Variants in SENP7 observed in about 807,000 individuals in gnomAD.
SENP7 encodes sentrin-specific protease 7.
SENP7 carries 64 observed loss-of-function variants against 141.2 expected under a neutral mutation model. The ratio of observed to expected loss-of-function variants is 0.45; its 90% CI spans 0.37 to 0.56. SENP7 has a LOEUF of 0.56. Ranked by LOEUF, SENP7 falls within the 20% of genes least tolerant of loss-of-function variation. SENP7 has a pLI of 0.00. For synonymous variants in SENP7, 382 were observed against 426.4 expected (o/e 0.90, Z 1.28); for missense variants, 1,025 against 1,212.2 (o/e 0.85, Z 2.29).
intron 3 of SENP7, among the ~76,000 whole-genome samples, chr3:101,470,962 T>G (rs1362107132): frequency 6.6e-6 from 1 of 152,060 alleles, no homozygotes; most frequent in African/African-American, 2.4e-5. Flanking sequence ...AAGGACCTCT[T>G]CAAGGAGAAC....
At chr3:101,377,841 T>C (rs1259488084) in intron 6 of SENP7, among the ~76,000 whole-genome samples, 1 of 152,208 alleles carries the variant, frequency 6.6e-6, no homozygotes, top group Non-Finnish European at 1.5e-5. Context: ...AGGTATGCTG[T>C]TGCACCAAAG....
Position 101,347,996 on chromosome 3 carries a change from C to A in SENP7, c.1713G>T (p.Gly571=), listed in dbSNP as rs762472512. The change falls in exon 13 of 24, where the codon GGG becomes GGT. Residue 571 remains glycine (G), a synonymous_variant. Transcript: ENST00000394095. ...LVDTTHLKRF[G]LWKSKDDNHS... ...GATTATCATCCTTACTTTTCCATAA[C>A]CCAAACCGCTTTAAATGTGTGGTAT... The A allele has an allele frequency of 1.2e-6, 2 of 1,611,466 alleles. No homozygotes were observed. Among genetic ancestry groups the A allele is most frequent in the Admixed American group, 1.7e-5 (1 of 59,752 alleles).
At chr3:101,429,443 C>T (rs2062079624) in intron 4 of SENP7, among the ~76,000 whole-genome samples, 1 of 152,052 alleles carries the variant, frequency 6.6e-6, no homozygotes, top group South Asian at 2.1e-4. Flanking sequence ...GTATTTTATT[C>T]TCTTTGTAGC....
At chr3:101,424,101 C>T (rs2061874219) in intron 4 of SENP7, among the ~76,000 whole-genome samples, 1 of 152,112 alleles carries the variant, frequency 6.6e-6, no homozygotes, top group East Asian at 1.9e-4. Flanking sequence ...CAAACAAGGC[C>T]AGTCTGACCT....
intron 15 of SENP7, 135 bp from the exon 16 acceptor site, chr3:101,340,346 C>T (rs1486502870): frequency 9.4e-7 from 1 of 1,065,490 alleles, no homozygotes; most frequent in Admixed American, 3.5e-5. Context: ...TTTGACCAGG[C>T]ATAAATAATG....
intron 3 of SENP7, among the ~76,000 whole-genome samples, chr3:101,493,243 T>C (rs1025756041): frequency 7.3e-5 from 11 of 151,720 alleles, no homozygotes; most frequent in Non-Finnish European, 1.3e-4. Flanking sequence ...CTTTCAGAGG[T>C]TGGAGGATGG....
intron 5 of SENP7, among the ~76,000 whole-genome samples, chr3:101,399,812 G>C (rs2061080671): frequency 6.6e-6 from 1 of 152,090 alleles, no homozygotes; most frequent in Non-Finnish European, 1.5e-5. Context: ...TTTCTGTAGT[G>C]ACTATGTCTC....
intron 6 of SENP7, among the ~76,000 whole-genome samples, chr3:101,384,677 C>T (rs892210865): frequency 4.6e-5 from 7 of 152,232 alleles, no homozygotes; most frequent in African/African-American, 1.7e-4. Flanking sequence ...GCACCTGGCT[C>T]GCCGTTGGCA....
chr3:101,386,770 G>A (rs936700385), intron 6 of SENP7, among the ~76,000 whole-genome samples: 1 of 152,212 alleles, frequency 6.6e-6, no homozygotes, highest in Non-Finnish European at 1.5e-5. Flanking sequence ...GCCTGCCTAG[G>A]CACTAACAGC....
chr3:101,465,923 T>G (rs1002143245), intron 3 of SENP7, among the ~76,000 whole-genome samples: 4 of 152,276 alleles, frequency 2.6e-5, no homozygotes, highest in African/African-American at 9.6e-5. Context: ...ATGATCTCGA[T>G]TAGAAATTCA....
chr3:101,399,596 G>C (rs1428697254), intron 5 of SENP7, among the ~76,000 whole-genome samples: 1 of 152,176 alleles, frequency 6.6e-6, no homozygotes, highest in Non-Finnish European at 1.5e-5. Context: ...ATATGTAATA[G>C]CATCAGGAAA....
chr3:101,444,148 T>C (rs372306325), intron 4 of SENP7, among the ~76,000 whole-genome samples: 1 of 132,690 alleles, frequency 7.5e-6, no homozygotes, highest in Admixed American at 8.5e-5. Context: ...AAAATGCTCA[T>C]CATCACTGGC....
At chr3:101,468,052 G>A (rs554411647) in intron 3 of SENP7, among the ~76,000 whole-genome samples, 2 of 152,106 alleles carry the variant, frequency 1.3e-5, no homozygotes, top group African/African-American at 2.4e-5. Flanking sequence ...CGAGAGCTTC[G>A]TGACACATGC....
intron 6 of SENP7, among the ~76,000 whole-genome samples, chr3:101,380,376 T>C (rs1275401378): frequency 2.0e-5 from 3 of 150,072 alleles, no homozygotes; most frequent in African/African-American, 2.5e-5. Context: ...TTATAATTTA[T>C]AGAAAACTAT....
At chr3:101,426,575 G>A (rs2061966501) in intron 4 of SENP7, among the ~76,000 whole-genome samples, 1 of 151,888 alleles carries the variant, frequency 6.6e-6, no homozygotes, top group Admixed American at 6.6e-5. Flanking sequence ...TGCCTCCCAG[G>A]CTCAAGTGAT....
At position 101,430,813 on chromosome 3, in the gene SENP7, C is replaced by T. The variant is rs564748567; in HGVS notation, c.285-13023G>A. On this transcript the variant is annotated intron_variant, in intron 4 of 23. Transcript: ENST00000394095. Reference sequence around the variant, plus strand: ...TTAGATCTTTCCTGCTTTCTCTTGACATTTAGTGCTATAAATTTCCCTCTA... The same window carrying T: ...TTAGATCTTTCCTGCTTTCTCTTGATATTTAGTGCTATAAATTTCCCTCTA... Among the ~76,000 whole-genome samples the T allele has an allele frequency of 5.9e-5, 9 of 152,218 alleles. 1 individual carries two copies. The East Asian group carries it at 1.7e-3, about 29-fold the overall frequency.
chr3:101,335,589 T>C (rs2059163290), intron 17 of SENP7, among the ~76,000 whole-genome samples: 1 of 148,962 alleles, frequency 6.7e-6, no homozygotes, highest in African/African-American at 2.5e-5. Context: ...TTATTATGTA[T>C]ATAATAATCA....
chr3:101,498,626 T>C (rs1206680551), intron 2 of SENP7, among the ~76,000 whole-genome samples: 2 of 152,224 alleles, frequency 1.3e-5, no homozygotes, highest in African/African-American at 4.8e-5. Flanking sequence ...TGTGGGATCC[T>C]GGATTGGATC....
chr3:101,366,593 G>A lies in SENP7; in HGVS notation c.1155C>T (p.Ala385=). The A allele has an allele frequency of 6.2e-7, 1 of 1,613,980 alleles. No homozygotes were observed. Among genetic ancestry groups the A allele is most frequent in the Non-Finnish European group, 8.5e-7 (1 of 1,179,890 alleles). The stretch of plus-strand genomic sequence containing the variant: ...CGGTTTCAGTGGTTGAACCGGCAGA[G>A]GCACTTTTGGTGGCATTACTCAAAG... ...ELTLSNATKS[A]SAGSTTETVE... is the part of the protein sequence containing the mutation. The change falls in exon 9 of 24, where the codon GCC becomes GCT. Residue 385 remains alanine (A), a synonymous_variant. Transcript: ENST00000394095.
Sources: allele counts gnomAD v4.1 joint callset (sites outside exome capture counted in the v4.1 genomes callset), GRCh38; gene constraint gnomAD v4.1.1; transcripts MANE v1.5; gene names NCBI Gene and HGNC (gene_info 2026-07-23, HGNC 2026-07-21).